DBNDD1: variants seen among roughly 807,000 people sequenced by gnomAD.
The protein encoded by DBNDD1 is dysbindin domain containing 1.
DBNDD1 carries 14 observed loss-of-function variants against 17.0 expected under a neutral mutation model. The observed-to-expected ratio is 0.82, with a 90% CI of 0.54 to 1.29. DBNDD1 has a LOEUF of 1.29. DBNDD1 is among the 50% of genes most tolerant of loss of function. DBNDD1 has a pLI of 0.00. For synonymous variants in DBNDD1, 105 were observed against 102.0 expected (o/e 1.03, Z -0.18); for missense variants, 221 against 216.2 (o/e 1.02, Z -0.14).
Position 90,019,236 on chromosome 16 carries a change from G to C in DBNDD1, c.31+75C>G, listed in dbSNP as rs904173397. 5 of 765,814 alleles carry C rather than the reference G, an allele frequency of 6.5e-6. No individual in the cohort carries two copies. In the African/African-American group the frequency reaches 9.1e-5, roughly 14 times the overall value. The allele number at this position is 765,814 out of a possible 1,614,324, so 47.4% of individuals were successfully genotyped here. A position where few individuals can be genotyped will look rare whatever the true frequency, so the allele number is the denominator to read the frequency against. ...GACTCCCGGGAGCGGCGAAGGGTGA[G>C]CCCTGGGGGGAGGGGCTGCGGCTCG... On this transcript the variant is annotated intron_variant, in intron 1 of 3. Coordinates refer to ENST00000002501, the MANE Select transcript of DBNDD1 (RefSeq NM_001042610.3). This position sits in a 1 kb window ranked among gnomAD's most constrained non-coding sequence, Gnocchi z 6.1.
At chr16:90,009,147 C>T in intron 2 of DBNDD1, 137 bp downstream of exon 2, 4 of 1,352,104 alleles carry the variant, frequency 3.0e-6, no homozygotes, top group African/African-American at 1.5e-5. Context: ...AGAACCAGAG[C>T]TGCAAGAGCC....
intron 1 of DBNDD1, among the ~76,000 whole-genome samples, chr16:90,010,430 C>T (rs564973663): frequency 2.0e-4 from 30 of 146,420 alleles, no homozygotes; most frequent in East Asian, 8.0e-4. Flanking sequence ...TGCAGTGGCG[C>T]GATCTCGGCT....
rs1310072832 is a variant in DBNDD1 at position 90,019,193 on chromosome 16, T to G, written c.31+118A>C. 3 of 443,328 alleles carry G rather than the reference T, an allele frequency of 6.8e-6. No homozygotes were observed. The highest frequency in any genetic ancestry group is 1.1e-5 in the Non-Finnish European group (3 of 280,406). The allele number at this position is 443,328 out of a possible 1,614,324, so 27.5% of individuals were successfully genotyped here. A position where few individuals can be genotyped will look rare whatever the true frequency, so the allele number is the denominator to read the frequency against. On this transcript the variant is annotated intron_variant, in intron 1 of 3. Coordinates refer to ENST00000002501, the MANE Select transcript of DBNDD1 (RefSeq NM_001042610.3). The surrounding 1 kb of genome is among the most constrained non-coding windows in gnomAD (Gnocchi z 6.1). ...CCTGGCCCGCCGGACGACCCCGAGC[T>G]GCCAAAGGGGTCTTCGCGACTCCCG... is the stretch of plus-strand genomic sequence containing the variant.
rs1423424966 is a variant in DBNDD1, at chr16:90,005,569, G to A, written c.*766C>T. ...AGCAGTGGGTGCAGGACAAGGAGAGGTGAACCCCACCCCGAGAGCATTCCG... is the reference window on the plus strand; with the variant it reads ...AGCAGTGGGTGCAGGACAAGGAGAGATGAACCCCACCCCGAGAGCATTCCG... On this transcript the variant is annotated 3_prime_UTR_variant, in exon 4 of 4. Transcript: ENST00000002501. The A allele has an allele frequency of 2.0e-5, 3 of 152,366 alleles. No individual in the cohort carries two copies. Among genetic ancestry groups the A allele is most frequent in the African/African-American group, 4.8e-5 (2 of 41,452 alleles). The allele number at this position is 152,366 out of a possible 1,614,324, so 9.4% of individuals were successfully genotyped here.
Position 90,019,205 on chromosome 16 carries a change from C to T in DBNDD1, c.31+106G>A, listed in dbSNP as rs1173016205. ...GACGACCCCGAGCTGCCAAAGGGGT[C>T]TTCGCGACTCCCGGGAGCGGCGAAG... On this transcript the variant is annotated intron_variant, in intron 1 of 3. Transcript: ENST00000002501. The surrounding 1 kb of genome is among the most constrained non-coding windows in gnomAD (Gnocchi z 6.1). 14 of 532,316 alleles carry T rather than the reference C, an allele frequency of 2.6e-5. No individual in the cohort carries two copies. Among genetic ancestry groups the T allele is most frequent in the Non-Finnish European group, 3.6e-5 (13 of 360,000 alleles). 33.0% of individuals were successfully genotyped at this position (532,316 alleles called of 1,614,324 possible).
At position 90,008,799 on chromosome 16, in the gene DBNDD1, TGTTGAGGTTCTCGTCGTCCGAGTCAG is replaced by T; in HGVS notation, c.278_303del (p.Ala93AspfsTer27). 1 of 1,600,724 alleles carries T rather than the reference TGTTGAGGTTCTCGTCGTCCGAGTCAG, an allele frequency of 6.2e-7. No individual in the cohort carries two copies. The highest frequency in any genetic ancestry group is 8.5e-7 in the Non-Finnish European group (1 of 1,171,288). On this transcript the variant is annotated frameshift_variant, in exon 3 of 4. Transcript: ENST00000002501. LOFTEE classifies it high-confidence loss of function. Reference sequence around the variant, plus strand: ...CCGGCCTCACCTGCTGGGGACTCGGTGTTGAGGTTCTCGTCGTCCGAGTCAGCAAAGACCTCGGCCAGCTCCTGGTC... The same window carrying T: ...CCGGCCTCACCTGCTGGGGACTCGGTCAAAGACCTCGGCCAGCTCCTGGTC...
chr16:90,006,483 G>A lies in DBNDD1; in HGVS notation c.329C>T (p.Pro110Leu), dbSNP rs777014752. 7.5e-6 allele frequency: 12 copies of A among 1,598,378 alleles called. No individual in the cohort carries two copies. Among genetic ancestry groups the A allele is most frequent in the South Asian group, 3.3e-5 (3 of 90,958 alleles). Residue 110 changes from proline to leucine, a missense_variant, in exon 4 of 4, where the codon CCG (proline) becomes CTG (leucine). Pro to Leu is a moderately conservative substitution (Grantham distance 98, BLOSUM62 -3). Transcript: ENST00000002501. ...LNTESPAGLH[P>L]LPRAGYLRSP... ...GCGCAGGTAGCCGGCCCGGGGCAGC[G>A]GGTGCAGACCTAGGGGCATGCGGGA...
chr16:90,012,318 C>G (rs1019156093), intron 1 of DBNDD1, among the ~76,000 whole-genome samples: 1 of 152,190 alleles, frequency 6.6e-6, no homozygotes, highest in Non-Finnish European at 1.5e-5. Flanking sequence ...TACAGGGGCT[C>G]TTACCTCCCC....
chr16:90,008,789 G>A lies in DBNDD1; in HGVS notation c.314C>T (p.Pro105Leu). Residue 105 changes from proline to leucine, a missense_variant, in exon 3 of 4, where the codon CCA (proline) becomes CTA (leucine). Coordinates refer to ENST00000002501, the MANE Select transcript of DBNDD1 (RefSeq NM_001042610.3). ...SDDENLNTES[P>L]AGLHPLPRAG... is the part of the protein sequence containing the mutation. ...AGCCCTGATGCCGGCCTCACCTGCT[G>A]GGGACTCGGTGTTGAGGTTCTCGTC... is the stretch of plus-strand genomic sequence containing the variant. The A allele has an allele frequency of 6.3e-7, 1 of 1,595,742 alleles. No individual in the cohort carries two copies. The highest frequency in any genetic ancestry group is 8.6e-7 in the Non-Finnish European group (1 of 1,167,594).
rs905703988 is a variant in DBNDD1, at chr16:90,019,294, G to T, written c.31+17C>A. 9.9e-6 allele frequency: 12 copies of T among 1,213,766 alleles called. No homozygotes were observed. Among genetic ancestry groups the T allele is most frequent in the Middle Eastern group, 3.2e-4 (1 of 3,164 alleles). 75.2% of individuals were successfully genotyped at this position (1,213,766 alleles called of 1,614,324 possible). On this transcript the variant is annotated intron_variant, in intron 1 of 3. Transcript: ENST00000002501. This position sits in a 1 kb window ranked among gnomAD's most constrained non-coding sequence, Gnocchi z 6.1. ...GAAGCGCTGCGCGGGGGTCTCGGGG[G>T]CTGGGGCTGAACTCACCTCCGGTGC...
At chr16:90,015,981 G>A (rs2035635571) in intron 1 of DBNDD1, among the ~76,000 whole-genome samples, 1 of 152,166 alleles carries the variant, frequency 6.6e-6, no homozygotes, top group Non-Finnish European at 1.5e-5. Flanking sequence ...ACTTTAAAAG[G>A]GTGAACTTTA....
intron 2 of DBNDD1, 34 bp downstream of exon 2, chr16:90,009,250 C>A: frequency 6.2e-7 from 1 of 1,609,740 alleles, no homozygotes; most frequent in Non-Finnish European, 8.5e-7. Flanking sequence ...CACGGGGTCC[C>A]CATAGCGTGC....
intron 1 of DBNDD1, chr16:90,011,746 G>A (rs535535915): frequency 3.6e-5 from 16 of 444,210 alleles, no homozygotes; most frequent in African/African-American, 3.2e-4. Flanking sequence ...CTGGTGTCCT[G>A]GCCCACCCCC....
At chr16:90,010,811 C>A (rs1482399763) in intron 1 of DBNDD1, among the ~76,000 whole-genome samples, 1 of 152,246 alleles carries the variant, frequency 6.6e-6, no homozygotes, top group Non-Finnish European at 1.5e-5. Flanking sequence ...GGCCACCTCA[C>A]TTGCCTCAGG....
At chr16:90,012,633 A>G (rs953583277) in intron 1 of DBNDD1, among the ~76,000 whole-genome samples, 4 of 151,504 alleles carry the variant, frequency 2.6e-5, no homozygotes, top group Non-Finnish European at 5.9e-5. Context: ...CTAATTCTGT[A>G]TTTTTAGTAG....
chr16:90,011,478 G>A, intron 1 of DBNDD1: 1 of 349,450 alleles, frequency 2.9e-6, no homozygotes, highest in Non-Finnish European at 5.8e-6. Context: ...TGGGCAGGTG[G>A]CCTGGCAGCG....
At chr16:90,009,940 A>T (rs1340214862) in intron 1 of DBNDD1, 1 of 1,609,778 alleles carries the variant, frequency 6.2e-7, no homozygotes, top group Non-Finnish European at 8.5e-7. Flanking sequence ...CATTCTCATT[A>T]AATGAAAGTT....
At position 90,008,773 on chromosome 16, in the gene DBNDD1, G is replaced by A. The variant is rs1454694407; in HGVS notation, c.319+11C>T. 1 of 1,589,238 alleles carries A rather than the reference G, an allele frequency of 6.3e-7. No individual in the cohort carries two copies. ...GCACACCTCCCAGCCCAGCCCTGAT[G>A]CCGGCCTCACCTGCTGGGGACTCGG... On this transcript the variant is annotated intron_variant, in intron 3 of 3. Transcript: ENST00000002501.
chr16:90,017,659 C>T (rs555026939), intron 1 of DBNDD1, among the ~76,000 whole-genome samples: 14 of 152,196 alleles, frequency 9.2e-5, no homozygotes, highest in Non-Finnish European at 1.6e-4. Flanking sequence ...TTTGTCCCGC[C>T]GTTCTCTCTA....
Sources: allele counts gnomAD v4.1 joint callset (sites outside exome capture counted in the v4.1 genomes callset), GRCh38; gene constraint gnomAD v4.1.1; non-coding constraint Gnocchi (gnomAD v3.1); transcripts MANE v1.5; gene names NCBI Gene and HGNC (gene_info 2026-07-23, HGNC 2026-07-21).